The following SPDYE10 variants were observed in gnomAD, a reference collection of about 807,000 sequenced individuals.
The protein encoded by SPDYE10 is speedy protein E10.
At chr7:73,124,792 C>T in the SPDYE10 span, among the ~76,000 whole-genome samples, 28 of 140,130 alleles carry the variant, frequency 2.0e-4, no homozygotes, top group South Asian at 3.6e-3. Flanking sequence ...GATGTGGTGG[C>T]GCATGCCTGT....
chr7:73,147,869 T>G, the SPDYE10 span, among the ~76,000 whole-genome samples: 1 of 151,204 alleles, frequency 6.6e-6, no homozygotes, highest in South Asian at 2.1e-4. Context: ...TGCAATGGCA[T>G]GATCTTGGCT....
the SPDYE10 span, among the ~76,000 whole-genome samples, chr7:73,115,136 A>G: frequency 6.6e-6 from 1 of 151,238 alleles, no homozygotes; most frequent in Non-Finnish European, 1.5e-5. Flanking sequence ...CCTCAGATGA[A>G]CCACCCGCCT....
At chr7:73,137,569 TGAAA>T in the SPDYE10 span, among the ~76,000 whole-genome samples, 351 of 52,380 alleles carry the variant, frequency 6.7e-3, no homozygotes, top group Middle Eastern at 0.011. Context: ...AAAGAAGAGA[TGAAA>T]GAAAGAAAGA....
At chr7:73,155,190 C>G in the SPDYE10 span, 7 of 162,334 alleles carry the variant, frequency 4.3e-5, no homozygotes, top group South Asian at 6.9e-4. Context: ...GCGGCTCGTC[C>G]CCCCGCGGAT....
chr7:73,135,873 T>A, the SPDYE10 span, among the ~76,000 whole-genome samples: 1 of 124,320 alleles, frequency 8.0e-6, no homozygotes, highest in South Asian at 2.8e-4. Flanking sequence ...CACCCGGTCT[T>A]TTTTTTTTTT....
the SPDYE10 span, among the ~76,000 whole-genome samples, chr7:73,107,447 GATAAATAA>G: frequency 2.3e-3 from 22 of 9,602 alleles, 1 homozygote; most frequent in Non-Finnish European, 4.1e-3. Context: ...CTCTTGTCTT[GATAAATAA>G]ATAAATAAAT....
chr7:73,130,295 A>T, the SPDYE10 span, among the ~76,000 whole-genome samples: 20 of 148,278 alleles, frequency 1.3e-4, no homozygotes, highest in East Asian at 3.9e-4. Flanking sequence ...CTCTATTATT[A>T]AAAAAAAAAA....
At chr7:73,142,636 A>T in the SPDYE10 span, among the ~76,000 whole-genome samples, 1 of 152,152 alleles carries the variant, frequency 6.6e-6, no homozygotes, top group African/African-American at 2.4e-5. Flanking sequence ...AACTGTCCTG[A>T]TAAGAAAATG....
At chr7:73,123,787 CCCTCT>C in the SPDYE10 span, among the ~76,000 whole-genome samples, 142 of 143,410 alleles carry the variant, frequency 9.9e-4, no homozygotes, top group East Asian at 4.0e-3. Context: ...CTCTCTCTCT[CCCTCT>C]CTCTCTCTCT....
the SPDYE10 span, chr7:73,104,560 TTAAA>T: frequency 1.9e-5 from 2 of 103,744 alleles, 1 homozygote; most frequent in African/African-American, 6.4e-5. Context: ...AATAAAATAT[TTAAA>T]TAATTCTATA....
At chr7:73,135,219 G>A in the SPDYE10 span, among the ~76,000 whole-genome samples, 1 of 151,908 alleles carries the variant, frequency 6.6e-6, no homozygotes, top group Non-Finnish European at 1.5e-5. Context: ...TCTGTAGAAA[G>A]GGCACATGAA....
chr7:73,123,974 C>T, the SPDYE10 span, among the ~76,000 whole-genome samples: 5 of 151,130 alleles, frequency 3.3e-5, no homozygotes, highest in Admixed American at 6.6e-5. Context: ...GATAGGGTTT[C>T]GCCGTGTTGC....
chr7:73,104,560 T>A, the SPDYE10 span: 1 of 103,798 alleles, frequency 9.6e-6, no homozygotes, highest in East Asian at 2.7e-4. Flanking sequence ...AATAAAATAT[T>A]TAAATAATTC....
the SPDYE10 span, among the ~76,000 whole-genome samples, chr7:73,134,925 G>A: frequency 6.6e-6 from 1 of 152,308 alleles, no homozygotes; most frequent in African/African-American, 2.4e-5. Context: ...CACAAGCTGA[G>A]GAGTGGGGAG....
the SPDYE10 span, among the ~76,000 whole-genome samples, chr7:73,145,053 G>T: frequency 1.5e-5 from 2 of 131,336 alleles, no homozygotes; most frequent in African/African-American, 6.8e-5. Context: ...ATAATGTCAT[G>T]TCCTATTTTC....
chr7:73,134,565 G>GAAAGAAAGAAAGAA, the SPDYE10 span, among the ~76,000 whole-genome samples: 1 of 152,136 alleles, frequency 6.6e-6, no homozygotes, highest in Non-Finnish European at 1.5e-5. Flanking sequence ...AAGAAAGAAA[G>GAAAGAAAGAAAGAA]AAACCGTGCA....
the SPDYE10 span, among the ~76,000 whole-genome samples, chr7:73,145,107 C>CTTTCTTTCTTTCTTTCT: frequency 6.4e-5 from 9 of 140,522 alleles, no homozygotes; most frequent in South Asian, 2.2e-4. Flanking sequence ...TTTCTTTCCT[C>CTTTCTTTCTTTCTTTCT]TTTCTTTCTT....
chr7:73,125,407 C>T, the SPDYE10 span, among the ~76,000 whole-genome samples: 3 of 118,800 alleles, frequency 2.5e-5, no homozygotes, highest in African/African-American at 8.5e-5. Flanking sequence ...CCCTTTGTGT[C>T]AGGCACCATC....
chr7:73,155,076 T>C, the SPDYE10 span: 3 of 145,004 alleles, frequency 2.1e-5, no homozygotes, highest in African/African-American at 7.8e-5. Flanking sequence ...TCCTCCCTTT[T>C]GTCCGGCCCG....
Sources: gnomAD v4.1 joint callset for allele counts (sites outside exome capture counted in the v4.1 genomes callset) on GRCh38, gnomAD v4.1.1 for gene constraint, MANE v1.5 for transcripts, NCBI Gene and HGNC (gene_info 2026-07-23, HGNC 2026-07-21) for gene names.